The following ERCC6L2 variants were observed in gnomAD, a reference collection of about 807,000 sequenced individuals.
The protein encoded by ERCC6L2 is ERCC excision repair 6 like 2.
In ERCC6L2, 77 loss-of-function variants were observed where a neutral mutation model predicts 132.0. The ratio of observed to expected loss-of-function variants is 0.58; its 90% CI spans 0.49 to 0.71. The LOEUF (loss-of-function observed/expected upper bound fraction) is 0.71. ERCC6L2 is among the 30% of genes least tolerant of loss of function. The pLI is 0.00. For missense variants in ERCC6L2, 1,542 were observed against 1,837.6 expected, an observed-to-expected ratio of 0.84 and a Z score of 2.94; for synonymous variants, 583 against 632.4, an observed-to-expected ratio of 0.92 and a Z score of 1.17.
chr9:95,916,735 T>G (rs902116387), intron 6 of ERCC6L2, among the ~76,000 whole-genome samples: 3 of 149,202 alleles, frequency 2.0e-5, no homozygotes, highest in Non-Finnish European at 4.4e-5. Flanking sequence ...CAGGCTGGAG[T>G]GCAGTGGCGC....
chr9:95,894,091 C>A (rs74687091), intron 2 of ERCC6L2, among the ~76,000 whole-genome samples: 27,085 of 151,894 alleles, frequency 0.18, 2,499 homozygotes, highest in South Asian at 0.28. Flanking sequence ...CTACCTTAAA[C>A]ATGCTCAGAA....
At chr9:95,915,314 T>C (rs970917552) in intron 4 of ERCC6L2, among the ~76,000 whole-genome samples, 1 of 152,226 alleles carries the variant, frequency 6.6e-6, no homozygotes, top group Non-Finnish European at 1.5e-5. Flanking sequence ...ATATTTTTCA[T>C]TCAGAAAAAT....
In ERCC6L2 at chr9:95,921,179, T is replaced by C. The variant is rs764954422; in HGVS notation, c.1163T>C (p.Val388Ala). Residue 388 changes from valine to alanine, a missense_variant, in exon 7 of 19, where the codon GTG becomes GCG. By Grantham distance (64) the Val-to-Ala change is moderately conservative. Coordinates refer to ENST00000653738, the MANE Select transcript of ERCC6L2 (RefSeq NM_020207.7). ...DQLPKKEDRMVYCSLTDFQKA... is the reference protein window; with the variant it reads ...DQLPKKEDRMAYCSLTDFQKA... ...CCTTGTATTTTATCTTGGCAGATGG[T>C]GTATTGTTCTTTGACAGATTTCCAG... The C allele has an allele frequency of 6.2e-6, 10 of 1,607,994 alleles. No individual in the cohort carries two copies. The highest frequency in any genetic ancestry group is 8.5e-6 in the Non-Finnish European group (10 of 1,177,652).
chr9:96,011,861 CA>C (rs1834036010), intron 18 of ERCC6L2, among the ~76,000 whole-genome samples: 1 of 152,156 alleles, frequency 6.6e-6, no homozygotes, highest in South Asian at 2.1e-4. Flanking sequence ...GACTTGAATA[CA>C]ATATAGATTT....
intron 11 of ERCC6L2, among the ~76,000 whole-genome samples, chr9:95,933,637 G>A (rs1830436300): frequency 6.6e-6 from 1 of 152,118 alleles, no homozygotes; most frequent in Non-Finnish European, 1.5e-5. Context: ...CTGAGGTCAG[G>A]AGTTCGAGAC....
chr9:96,022,748 T>C (rs1312445005), downstream of ERCC6L2, among the ~76,000 whole-genome samples: 1 of 152,174 alleles, frequency 6.6e-6, no homozygotes, highest in African/African-American at 2.4e-5. Context: ...CTCATCCACC[T>C]GCCTTTAATG....
intron 3 of ERCC6L2, among the ~76,000 whole-genome samples, chr9:95,906,308 T>C (rs1254446624): frequency 6.6e-6 from 1 of 152,056 alleles, no homozygotes; most frequent in Non-Finnish European, 1.5e-5. Context: ...CCCTGGGAAA[T>C]ATTCTAACAT....
intron 4 of ERCC6L2, 54 bp from the exon 5 acceptor site, chr9:95,915,614 G>A: frequency 6.6e-7 from 1 of 1,513,644 alleles, no homozygotes; most frequent in Middle Eastern, 1.8e-4. Flanking sequence ...AAAATTGTAA[G>A]GACTAAGAAA....
intron 18 of ERCC6L2, among the ~76,000 whole-genome samples, chr9:96,010,673 A>G (rs1170549500): frequency 6.6e-6 from 1 of 152,046 alleles, no homozygotes; most frequent in Admixed American, 6.6e-5. Flanking sequence ...CCTACCACCA[A>G]TCACTGACCT....
intron 12 of ERCC6L2, chr9:95,954,774 T>G (rs558375036): frequency 2.1e-6 from 1 of 471,158 alleles, no homozygotes. Flanking sequence ...GCCCCTCTCC[T>G]CTGCTCCTGG....
intron 13 of ERCC6L2, among the ~76,000 whole-genome samples, chr9:95,966,125 T>C (rs1379102535): frequency 6.6e-6 from 1 of 152,192 alleles, no homozygotes; most frequent in Non-Finnish European, 1.5e-5. Context: ...AAGCCACAAT[T>C]AGTTTGACAC....
At chr9:95,959,642 G>T (rs1333171923) in intron 13 of ERCC6L2, among the ~76,000 whole-genome samples, 2 of 151,658 alleles carry the variant, frequency 1.3e-5, no homozygotes, top group African/African-American at 2.4e-5. Flanking sequence ...CTGACAAAGG[G>T]CTAATATCCA....
In ERCC6L2 at chr9:95,973,040, A is replaced by G; in HGVS notation, c.3289A>G (p.Lys1097Glu). The change falls in exon 16 of 19, where the codon AAA becomes GAA. Residue 1097 changes from lysine (K) to glutamate (E), a missense_variant. Lys to Glu is a moderately conservative substitution (Grantham distance 56). This residue lies in a region of ERCC6L2 where 442 missense variants were observed against 583.4 expected (regional missense o/e 0.76). Coordinates refer to ENST00000653738, the MANE Select transcript of ERCC6L2 (RefSeq NM_020207.7). The part of the protein sequence containing the change: ...PRKPMKCSNE[K>E]VVNQEQSYES... Reference sequence around the variant, plus strand: ...AAAACCAATGAAATGTTCAAATGAGAAAGTTGTTAATCAAGAGCAGTCGTA... The same window carrying G: ...AAAACCAATGAAATGTTCAAATGAGGAAGTTGTTAATCAAGAGCAGTCGTA... 1.5e-6 allele frequency: 2 copies of G among 1,362,078 alleles called. No homozygotes were observed. Among genetic ancestry groups the G allele is most frequent in the Non-Finnish European group, 2.0e-6 (2 of 1,019,930 alleles). The allele number at this position is 1,362,078 out of a possible 1,614,324, so 84.4% of individuals were successfully genotyped here. A position where few individuals can be genotyped will look rare whatever the true frequency, so the allele number is the denominator to read the frequency against.
chr9:95,958,934 T>C (rs2133008410), intron 13 of ERCC6L2, among the ~76,000 whole-genome samples: 1 of 151,168 alleles, frequency 6.6e-6, no homozygotes, highest in Non-Finnish European at 1.5e-5. Flanking sequence ...ATCAATATCG[T>C]GAAAATGGCC....
intron 17 of ERCC6L2, among the ~76,000 whole-genome samples, chr9:95,979,616 T>G (rs1362827039): frequency 1.3e-5 from 2 of 152,206 alleles, no homozygotes; most frequent in Non-Finnish European, 2.9e-5. Flanking sequence ...CTAGCATTTT[T>G]CAGTGTAATC....
chr9:95,941,226 G>A (rs370139170), intron 11 of ERCC6L2, among the ~76,000 whole-genome samples: 3 of 152,072 alleles, frequency 2.0e-5, no homozygotes, highest in African/African-American at 7.2e-5. Context: ...AACTATTTAC[G>A]TGGGCTCTAA....
At chr9:95,887,517 C>A (rs2132546141) in intron 2 of ERCC6L2, among the ~76,000 whole-genome samples, 1 of 152,274 alleles carries the variant, frequency 6.6e-6, no homozygotes, top group East Asian at 1.9e-4. Context: ...ATTTTCTCAT[C>A]TGCTATGCAA....
At chr9:95,993,848 G>A (rs1324380168) in intron 17 of ERCC6L2, among the ~76,000 whole-genome samples, 2 of 152,106 alleles carry the variant, frequency 1.3e-5, no homozygotes, top group African/African-American at 2.4e-5. Flanking sequence ...CCCCAGAAAA[G>A]GTTTTGGATT....
In ERCC6L2 at chr9:96,013,039, G is replaced by A; in HGVS notation, c.4489G>A (p.Ala1497Thr). 3 of 1,367,604 alleles carry A rather than the reference G, an allele frequency of 2.2e-6. No individual in the cohort carries two copies. Among genetic ancestry groups the A allele is most frequent in the African/African-American group, 1.5e-5 (1 of 67,848 alleles). The allele number at this position is 1,367,604 out of a possible 1,614,324, so 84.7% of individuals were successfully genotyped here. A position where few individuals can be genotyped will look rare whatever the true frequency, so the allele number is the denominator to read the frequency against. Residue 1497 changes from alanine to threonine, a missense_variant, in exon 19 of 19, where the codon GCA becomes ACA. Physicochemically the swap from Ala to Thr is moderately conservative, Grantham distance 58 (BLOSUM62 0). Coordinates refer to ENST00000653738, the MANE Select transcript of ERCC6L2 (RefSeq NM_020207.7). Reference protein sequence around the residue: ...DESLSKLTDLAVIETLCEKAP... With the variant: ...DESLSKLTDLTVIETLCEKAP... ...GAGTCTTAGTAAACTCACAGACTTG[G>A]CAGTAATAGAGACTCTGTGTGAAAA...
Sources: gnomAD v4.1 joint callset for allele counts (sites outside exome capture counted in the v4.1 genomes callset) on GRCh38, gnomAD v4.1.1 for gene constraint, gnomAD v4.1.1 regional missense constraint, MANE v1.5 for transcripts, NCBI Gene and HGNC (gene_info 2026-07-23, HGNC 2026-07-21) for gene names.